Variants in STPG2 observed in about 807,000 individuals in gnomAD.
STPG2 encodes sperm tail PG-rich repeat containing 2.
In STPG2, 56 loss-of-function variants were observed where a neutral mutation model predicts 54.2. The ratio of observed to expected loss-of-function variants is 1.03; its 90% confidence interval spans 0.83 to 1.29. The LOEUF is 1.29. Among genes scored for constraint, STPG2 ranks in the 50% most tolerant of loss-of-function variants. The probability of loss-of-function intolerance (pLI) is 0.00; values close to 1 mark genes in which losing one functional copy is unlikely to be tolerated. For missense variants in STPG2, 596 were observed against 544.9 expected (o/e 1.09, Z -0.93); for synonymous variants, 200 against 181.8 (o/e 1.10, Z -0.81).
intron 9 of STPG2, among the ~76,000 whole-genome samples, chr4:97,831,448 T>C (rs1301329997): frequency 4.0e-5 from 6 of 151,452 alleles, no homozygotes; most frequent in Non-Finnish European, 1.5e-5. Context: ...CACCCTAACC[T>C]CAAAATTAAA....
chr4:97,906,343 A>G (rs1277482000), intron 8 of STPG2, among the ~76,000 whole-genome samples: 2 of 152,256 alleles, frequency 1.3e-5, no homozygotes, highest in Non-Finnish European at 2.9e-5. Flanking sequence ...GAATACACCA[A>G]TAAAAGGATC....
At chr4:97,852,562 T>C (rs2149132313) in intron 8 of STPG2, among the ~76,000 whole-genome samples, 1 of 152,322 alleles carries the variant, frequency 6.6e-6, no homozygotes, top group African/African-American at 2.4e-5. Context: ...ATTTGGAAGC[T>C]GCCTCCAAAA....
intron 10 of STPG2, among the ~76,000 whole-genome samples, chr4:97,608,402 A>T (rs970336091): frequency 6.6e-6 from 1 of 152,018 alleles, no homozygotes; most frequent in Non-Finnish European, 1.5e-5. Context: ...GGTATAAGTG[A>T]GCTGAGCCCG....
chr4:97,722,464 G>A (rs1166292009), intron 9 of STPG2, among the ~76,000 whole-genome samples: 1 of 151,998 alleles, frequency 6.6e-6, no homozygotes, highest in Non-Finnish European at 1.5e-5. Flanking sequence ...AGCCTTATGT[G>A]TTTGTCACAT....
intron 4 of STPG2, among the ~76,000 whole-genome samples, chr4:97,509,571 A>G (rs2148839400): frequency 6.6e-6 from 1 of 152,270 alleles, no homozygotes; most frequent in African/African-American, 2.4e-5. Flanking sequence ...TATACAATAT[A>G]CAAAAATCTA....
intron 4 of STPG2, among the ~76,000 whole-genome samples, chr4:97,525,077 T>C (rs969916254): frequency 2.5e-4 from 38 of 152,090 alleles, no homozygotes; most frequent in African/African-American, 9.1e-4. Flanking sequence ...GAGTGATTAT[T>C]TGAAGATGTT....
intron 9 of STPG2, among the ~76,000 whole-genome samples, chr4:97,808,157 G>T (rs1383499185): frequency 6.6e-6 from 1 of 151,936 alleles, no homozygotes; most frequent in Non-Finnish European, 1.5e-5. Context: ...GAGGGTAAAT[G>T]AACACAGGTA....
chr4:98,090,890 T>A (rs1738665405), intron 5 of STPG2, among the ~76,000 whole-genome samples: 1 of 150,840 alleles, frequency 6.6e-6, no homozygotes, highest in Non-Finnish European at 1.5e-5. Flanking sequence ...ATTTTCTTAC[T>A]ACCTTCAAGA....
intron 5 of STPG2, among the ~76,000 whole-genome samples, chr4:98,066,419 T>A (rs1300902034): frequency 1.3e-5 from 2 of 152,052 alleles, no homozygotes; most frequent in African/African-American, 2.4e-5. Flanking sequence ...TGAAACTCCA[T>A]CTCTAATACA....
intron 10 of STPG2, among the ~76,000 whole-genome samples, chr4:97,594,613 G>T (rs1013643656): frequency 2.0e-5 from 3 of 152,100 alleles, no homozygotes; most frequent in Non-Finnish European, 4.4e-5. Context: ...AACCTCACCG[G>T]AAAAGCCAAC....
At chr4:98,007,115 GCCAAGCC>G (rs1334285030) in intron 5 of STPG2, among the ~76,000 whole-genome samples, 1 of 152,180 alleles carries the variant, frequency 6.6e-6, no homozygotes, top group Non-Finnish European at 1.5e-5. Flanking sequence ...GTGTTCCACA[GCCAAGCC>G]TATGCCTGGG....
chr4:97,723,679 G>T (rs570293296), intron 9 of STPG2, among the ~76,000 whole-genome samples: 1 of 152,124 alleles, frequency 6.6e-6, no homozygotes, highest in Non-Finnish European at 1.5e-5. Context: ...TAATTTATAA[G>T]CAGAAAAGGT....
chr4:97,796,774 C>G (rs1204708684), intron 9 of STPG2, among the ~76,000 whole-genome samples: 2 of 152,146 alleles, frequency 1.3e-5, no homozygotes. Context: ...GGCATTAAAT[C>G]TGTAAATTAC....
At chr4:98,023,293 G>A (rs1736291718) in intron 5 of STPG2, among the ~76,000 whole-genome samples, 2 of 152,196 alleles carry the variant, frequency 1.3e-5, no homozygotes, top group Admixed American at 1.3e-4. Flanking sequence ...TCCAGACCCT[G>A]TTTGCCTGGG....
At chr4:97,551,857 G>T (rs1378880996) in intron 4 of STPG2, among the ~76,000 whole-genome samples, 1 of 151,996 alleles carries the variant, frequency 6.6e-6, no homozygotes, top group Admixed American at 6.6e-5. Context: ...AGGACTGGGG[G>T]GTGTCTCACA....
chr4:97,910,326 G>A (rs1031958803), intron 8 of STPG2, among the ~76,000 whole-genome samples: 1 of 152,200 alleles, frequency 6.6e-6, no homozygotes, highest in African/African-American at 2.4e-5. Flanking sequence ...TTATGGAAAG[G>A]TCGGGGAAAA....
chr4:97,930,752 C>T (rs758492697), intron 8 of STPG2, among the ~76,000 whole-genome samples: 1 of 149,124 alleles, frequency 6.7e-6, no homozygotes, highest in Non-Finnish European at 1.5e-5. Context: ...GCATTGAATC[C>T]ACAAATTGCT....
chr4:98,018,910 G>A (rs1736070225), intron 5 of STPG2, among the ~76,000 whole-genome samples: 1 of 151,346 alleles, frequency 6.6e-6, no homozygotes, highest in Non-Finnish European at 1.5e-5. Flanking sequence ...TGTAGATTCT[G>A]CATATTAGCC....
chr4:97,792,801 A>C (rs993969755), intron 9 of STPG2, among the ~76,000 whole-genome samples: 1 of 152,074 alleles, frequency 6.6e-6, no homozygotes, highest in Non-Finnish European at 1.5e-5. Flanking sequence ...TTCTCTTTGC[A>C]GTGCTTTTTC....
Sources: allele counts gnomAD v4.1 joint callset (sites outside exome capture counted in the v4.1 genomes callset), GRCh38; gene constraint gnomAD v4.1.1; transcripts MANE v1.5; gene names NCBI Gene and HGNC (gene_info 2026-07-23, HGNC 2026-07-21).